RARS1: variants seen among roughly 807,000 people sequenced by gnomAD.
RARS1 encodes arginyl-tRNA synthetase 1.
In RARS1, 75 loss-of-function variants were observed where a neutral mutation model predicts 78.7. The observed-to-expected ratio is 0.95, with a 90% confidence interval of 0.79 to 1.15. The LOEUF is 1.15. Among genes scored for constraint, RARS1 ranks in the 50% most tolerant of loss-of-function variants. The pLI is 0.00. For synonymous variants in RARS1, 273 were observed against 268.2 expected (o/e 1.02, Z -0.18); for missense variants, 787 against 787.5 (o/e 1.00, Z 0.01).
chr5:168,494,798 G>A (rs969193757), intron 5 of RARS1, 148 bp downstream of exon 5: 10 of 590,562 alleles, frequency 1.7e-5, no homozygotes, highest in South Asian at 1.3e-4. Flanking sequence ...GGTGTGCTGT[G>A]ATCGCACCTG....
chr5:168,510,507 A>C, intron 11 of RARS1, 74 bp from the exon 12 acceptor site: 1 of 1,179,094 alleles, frequency 8.5e-7, no homozygotes, highest in African/African-American at 1.6e-5. Context: ...CAGGTCTCTC[A>C]AACCTTCATT....
chr5:168,510,170 G>A (rs1399523261), intron 11 of RARS1, among the ~76,000 whole-genome samples: 1 of 152,182 alleles, frequency 6.6e-6, no homozygotes, highest in Non-Finnish European at 1.5e-5. Flanking sequence ...CATATATTTT[G>A]ATTAGTAATT....
At chr5:168,510,464 A>C in intron 11 of RARS1, 117 bp from the exon 12 acceptor site, 1 of 742,284 alleles carries the variant, frequency 1.3e-6, no homozygotes, top group Non-Finnish European at 2.3e-6. Context: ...TATGTACCTT[A>C]GAGATTTAAA....
rs1168923043 is a variant in RARS1, at chr5:168,494,902, C to T, written c.579+252C>T. 4 of 386,522 alleles carry T rather than the reference C, an allele frequency of 1.0e-5. No homozygotes were observed. In the Admixed American group the frequency reaches 1.3e-4, roughly 12 times the overall value. 23.9% of individuals were successfully genotyped at this position (386,522 alleles called of 1,614,324 possible). On this transcript the variant is annotated intron_variant, in intron 5 of 14. Coordinates refer to ENST00000231572, the MANE Select transcript of RARS1 (RefSeq NM_002887.4). ...CGAACTGCATGGAAAGTGCTGAAACCGGGAATGGATTTCACTTTTATACTG... is the reference window on the plus strand; with the variant it reads ...CGAACTGCATGGAAAGTGCTGAAACTGGGAATGGATTTCACTTTTATACTG...
intron 6 of RARS1, among the ~76,000 whole-genome samples, chr5:168,496,649 A>T (rs1758195894): frequency 6.6e-6 from 1 of 151,170 alleles, no homozygotes; most frequent in Non-Finnish European, 1.5e-5. Flanking sequence ...CACCCGGCTA[A>T]TTTTTTGTAT....
At chr5:168,507,729 G>A (rs1039201045) in intron 11 of RARS1, among the ~76,000 whole-genome samples, 3 of 152,102 alleles carry the variant, frequency 2.0e-5, no homozygotes, top group Admixed American at 1.3e-4. Flanking sequence ...GTGGATCTGC[G>A]CTTTTTTGAA....
chr5:168,494,685 C>T, intron 5 of RARS1, 35 bp downstream of exon 5: 1 of 1,397,352 alleles, frequency 7.2e-7, no homozygotes, highest in South Asian at 1.2e-5. Context: ...ATATTAGTAT[C>T]TTAGAACTGC....
intron 9 of RARS1, among the ~76,000 whole-genome samples, chr5:168,505,285 A>AT (rs11423188): frequency 1 from 151,839 of 152,342 alleles, 75,669 homozygotes; most frequent in East Asian, 1. Flanking sequence ...TAGCACTCTT[A>AT]ATAGCTGCTA....
At chr5:168,492,153 C>T (rs559179246) in intron 2 of RARS1, among the ~76,000 whole-genome samples, 1 of 152,156 alleles carries the variant, frequency 6.6e-6, no homozygotes, top group South Asian at 2.1e-4. Context: ...CATGGGAAAA[C>T]AGGAGGTAGT....
chr5:168,501,958 T>C, intron 8 of RARS1, 43 bp from the exon 9 acceptor site: 1 of 1,562,308 alleles, frequency 6.4e-7, no homozygotes, highest in East Asian at 2.3e-5. Context: ...TTTTAAAAAA[T>C]TCTTATGCAT....
At chr5:168,502,595 A>T (rs1027262654) in intron 9 of RARS1, among the ~76,000 whole-genome samples, 1 of 140,404 alleles carries the variant, frequency 7.1e-6, no homozygotes, top group African/African-American at 2.6e-5. Flanking sequence ...TTTTGGAAAC[A>T]GAGTCTTACT....
At chr5:168,517,015 A>C in intron 13 of RARS1, 65 bp downstream of exon 13, 1 of 1,469,000 alleles carries the variant, frequency 6.8e-7, no homozygotes. Context: ...ACTCAAAAAT[A>C]TTTTCTTTTT....
At chr5:168,490,110 G>A (rs988370114) in intron 2 of RARS1, among the ~76,000 whole-genome samples, 24 of 151,956 alleles carry the variant, frequency 1.6e-4, no homozygotes, top group Admixed American at 1.2e-3. Context: ...CACCGTGCCC[G>A]GTGTCCATAT....
At chr5:168,491,468 A>T (rs924054356) in intron 2 of RARS1, among the ~76,000 whole-genome samples, 4 of 152,254 alleles carry the variant, frequency 2.6e-5, no homozygotes, top group African/African-American at 7.2e-5. Context: ...TAAGTATGTT[A>T]CCACAGAGAG....
intron 2 of RARS1, among the ~76,000 whole-genome samples, chr5:168,489,129 CCCA>C (rs1172000581): frequency 1.3e-5 from 2 of 152,178 alleles, no homozygotes; most frequent in Admixed American, 1.3e-4. Context: ...AAGCAGTCAT[CCCA>C]CCACAGCCTC....
At chr5:168,498,369 A>G (rs772349313) in intron 7 of RARS1, among the ~76,000 whole-genome samples, 1 of 152,210 alleles carries the variant, frequency 6.6e-6, no homozygotes, top group Non-Finnish European at 1.5e-5. Flanking sequence ...GATTAAATGT[A>G]TGTAAAAACA....
chr5:168,497,761 T>C (rs116690232), intron 7 of RARS1, among the ~76,000 whole-genome samples: 293 of 152,152 alleles, frequency 1.9e-3, no homozygotes, highest in African/African-American at 6.7e-3. Flanking sequence ...CTGACATTCA[T>C]TGCATTTGGT....
rs1758710249 is a variant in RARS1, at chr5:168,518,071, C to CTTTGTTTGTTTTTTTTTTTTTTTTTT, written c.1873+12_1873+13insGTTTGTTTTTTTTTTTTTTTTTTTTT. The CTTTGTTTGTTTTTTTTTTTTTTTTTT allele has an allele frequency of 1.6e-6, 1 of 632,602 alleles. No individual in the cohort carries two copies. Among genetic ancestry groups the CTTTGTTTGTTTTTTTTTTTTTTTTTT allele is most frequent in the Non-Finnish European group, 1.9e-6 (1 of 525,704 alleles). 39.2% of individuals were successfully genotyped at this position (632,602 alleles called of 1,614,324 possible). On this transcript the variant is annotated intron_variant, in intron 14 of 14. Coordinates refer to ENST00000231572, the MANE Select transcript of RARS1 (RefSeq NM_002887.4). ...GAAAGATAGACAGACTGGTGAGTGT[C>CTTTGTTTGTTTTTTTTTTTTTTTTTT]TTTTTTTTTTTTTTTTTTTTTTTTA...
intron 6 of RARS1, among the ~76,000 whole-genome samples, chr5:168,495,958 G>T (rs1368392142): frequency 3.3e-5 from 5 of 152,042 alleles, no homozygotes; most frequent in African/African-American, 1.2e-4. Flanking sequence ...AGGCCAGCTT[G>T]GGCAACATAG....
Sources: allele counts gnomAD v4.1 joint callset (sites outside exome capture counted in the v4.1 genomes callset), GRCh38; gene constraint gnomAD v4.1.1; transcripts MANE v1.5; gene names NCBI Gene and HGNC (gene_info 2026-07-23, HGNC 2026-07-21).